Variants in SLCO1C1 observed in about 807,000 individuals in gnomAD.
SLCO1C1 encodes OAT-RP-5.
SLCO1C1 carries 70 observed loss-of-function variants against 76.4 expected under a neutral mutation model. The ratio of observed to expected loss-of-function variants is 0.92; its 90% CI spans 0.76 to 1.12. The LOEUF (loss-of-function observed/expected upper bound fraction) is 1.12, where lower values mean the gene tolerates loss of function less well. Among genes scored for constraint, SLCO1C1 ranks in the 50% most tolerant of loss-of-function variants. The pLI is 0.00. For synonymous variants in SLCO1C1, 306 were observed against 286.1 expected, an observed-to-expected ratio of 1.07 and a Z score of -0.70; for missense variants, 912 against 823.8, an observed-to-expected ratio of 1.11 and a Z score of -1.31.
At chr12:20,733,824 G>A (rs554745632) in intron 10 of SLCO1C1, among the ~76,000 whole-genome samples, 1 of 152,244 alleles carries the variant, frequency 6.6e-6, no homozygotes, top group East Asian at 1.9e-4. Context: ...GGTTTCCAGA[G>A]TCTCTCTCAA....
chr12:20,743,474 G>T, intron 13 of SLCO1C1, 105 bp downstream of exon 13: 1 of 816,564 alleles, frequency 1.2e-6, no homozygotes, highest in Non-Finnish European at 1.9e-6. Flanking sequence ...TATGTTGTAG[G>T]TGGCAAAGTT....
At chr12:20,706,655 T>C (rs115502679) in intron 4 of SLCO1C1, among the ~76,000 whole-genome samples, 1,744 of 152,282 alleles carry the variant, frequency 0.011, 28 homozygotes, top group African/African-American at 0.04. Flanking sequence ...TTTACCCTTA[T>C]AGCAACCTGT....
At chr12:20,745,367 T>G (rs1409430503) in intron 13 of SLCO1C1, among the ~76,000 whole-genome samples, 1 of 152,260 alleles carries the variant, frequency 6.6e-6, no homozygotes, top group East Asian at 1.9e-4. Flanking sequence ...TAAAATTTTT[T>G]GCCAAATCTT....
At chr12:20,726,777 T>C (rs1379212634) in intron 9 of SLCO1C1, among the ~76,000 whole-genome samples, 1 of 152,180 alleles carries the variant, frequency 6.6e-6, no homozygotes, top group East Asian at 1.9e-4. Flanking sequence ...TGCATAATGC[T>C]GAGGTTTAGG....
intron 6 of SLCO1C1, 40 bp downstream of exon 6, chr12:20,715,325 C>A (rs940706283): frequency 5.6e-6 from 9 of 1,605,822 alleles, no homozygotes; most frequent in Non-Finnish European, 6.8e-6. Context: ...TCTTGGGAAG[C>A]AGGGTGTCTA....
Position 20,737,236 on chromosome 12 carries a change from T to C in SLCO1C1, c.1512T>C (p.Ala504=). Residue 504 remains alanine, a synonymous_variant, in exon 11 of 15, where the codon GCT becomes GCC. Coordinates refer to ENST00000266509, the MANE Select transcript of SLCO1C1 (RefSeq NM_017435.5). ...NGITYVSACL[A]GCQTSNRSGK... is the part of the protein sequence containing the mutation. ...TCACATATGTATCAGCTTGTCTTGC[T>C]GGTTGTCAAACCTCCAACAGGAGTG... 2 of 1,567,862 alleles carry C rather than the reference T, an allele frequency of 1.3e-6. No homozygotes were observed. Among genetic ancestry groups the C allele is most frequent in the Non-Finnish European group, 1.7e-6 (2 of 1,164,096 alleles).
chr12:20,736,266 C>CAA (rs35908879), intron 10 of SLCO1C1, among the ~76,000 whole-genome samples: 25 of 142,070 alleles, frequency 1.8e-4, no homozygotes, highest in South Asian at 1.1e-3. Context: ...TGGCAGAGAA[C>CAA]AAAAAAAAAT....
At chr12:20,711,307 C>T (rs1363182113) in intron 4 of SLCO1C1, 79 bp from the exon 5 acceptor site, 21 of 1,468,068 alleles carry the variant, frequency 1.4e-5, no homozygotes, top group East Asian at 4.7e-5. Context: ...GGTACCCTAA[C>T]GATTCGTGTA....
At chr12:20,735,757 G>A (rs1414116884) in intron 10 of SLCO1C1, among the ~76,000 whole-genome samples, 5 of 152,170 alleles carry the variant, frequency 3.3e-5, no homozygotes, top group Admixed American at 3.3e-4. Context: ...CATCATTAAT[G>A]ACAATACTTC....
intron 2 of SLCO1C1, among the ~76,000 whole-genome samples, chr12:20,700,485 A>G (rs147997175): frequency 8.4e-4 from 128 of 151,702 alleles, no homozygotes; most frequent in Non-Finnish European, 1.5e-3. Context: ...GTTCTAGGGT[A>G]CATGTGCACA....
At chr12:20,735,832 T>C (rs1471202641) in intron 10 of SLCO1C1, among the ~76,000 whole-genome samples, 1 of 152,206 alleles carries the variant, frequency 6.6e-6, no homozygotes, top group African/African-American at 2.4e-5. Context: ...TTTAATTGAC[T>C]AACTTACTGG....
At chr12:20,707,428 A>G (rs987541223) in intron 4 of SLCO1C1, among the ~76,000 whole-genome samples, 3 of 152,082 alleles carry the variant, frequency 2.0e-5, no homozygotes, top group Non-Finnish European at 4.4e-5. Context: ...AAAAAATTAA[A>G]AATGTGAAAG....
intron 10 of SLCO1C1, 132 bp from the exon 11 acceptor site, chr12:20,736,975 G>A: frequency 3.2e-6 from 2 of 621,554 alleles, no homozygotes; most frequent in Non-Finnish European, 4.9e-6. Flanking sequence ...CATTTCTGAT[G>A]ACAACTGTGT....
At chr12:20,742,117 C>A (rs564304220) in intron 12 of SLCO1C1, among the ~76,000 whole-genome samples, 1 of 152,276 alleles carries the variant, frequency 6.6e-6, no homozygotes, top group Non-Finnish European at 1.5e-5. Context: ...GAGACAGTTA[C>A]ATTTACAAAT....
At chr12:20,717,645 C>CTTTT (rs1947432372) in intron 7 of SLCO1C1, among the ~76,000 whole-genome samples, 1 of 87,502 alleles carries the variant, frequency 1.1e-5, no homozygotes, top group Non-Finnish European at 2.2e-5. Context: ...CCAAACAGCC[C>CTTTT]TTCTTTTTTT....
At chr12:20,723,404 A>T in intron 9 of SLCO1C1, 150 bp downstream of exon 9, 1 of 948,600 alleles carries the variant, frequency 1.1e-6, no homozygotes, top group Non-Finnish European at 1.5e-6. Flanking sequence ...TTGTAGCAAG[A>T]ATTATTCACA....
chr12:20,707,799 G>A (rs758147107), intron 4 of SLCO1C1, among the ~76,000 whole-genome samples: 35 of 151,430 alleles, frequency 2.3e-4, no homozygotes, highest in Non-Finnish European at 4.0e-4. Flanking sequence ...GACAAATATC[G>A]AATACCCGTA....
chr12:20,703,488 T>G (rs1053312228), intron 3 of SLCO1C1, among the ~76,000 whole-genome samples: 1 of 151,924 alleles, frequency 6.6e-6, no homozygotes, highest in Non-Finnish European at 1.5e-5. Flanking sequence ...CATCTTTCTC[T>G]TGTGTTTGAC....
intron 9 of SLCO1C1, among the ~76,000 whole-genome samples, chr12:20,728,512 T>C (rs778321770): frequency 6.6e-6 from 1 of 151,444 alleles, no homozygotes; most frequent in Non-Finnish European, 1.5e-5. Flanking sequence ...ATGACAATGA[T>C]TATCATTCTC....
Sources: gnomAD v4.1 joint callset for allele counts (sites outside exome capture counted in the v4.1 genomes callset) on GRCh38, gnomAD v4.1.1 for gene constraint, MANE v1.5 for transcripts, NCBI Gene and HGNC (gene_info 2026-07-23, HGNC 2026-07-21) for gene names.